The following ZFHX3 variants were observed in gnomAD, a reference collection of about 807,000 sequenced individuals.
ZFHX3 encodes zinc finger homeobox protein 3.
Under a neutral mutation model 279.1 loss-of-function variants are expected in ZFHX3, and 42 were observed. The ratio of observed to expected loss-of-function variants is 0.15; its 90% CI spans 0.12 to 0.19. ZFHX3 has a LOEUF of 0.19. Among genes scored for constraint, ZFHX3 ranks in the 10% least tolerant of loss-of-function variants. The probability of loss-of-function intolerance (pLI) is 1.00; values close to 1 mark genes in which losing one functional copy is unlikely to be tolerated. For missense variants in ZFHX3, 4,981 were observed against 4,754.0 expected (o/e 1.05, Z -1.40); for synonymous variants, 2,293 against 1,957.8 (o/e 1.17, Z -4.52).
intron 1 of ZFHX3, among the ~76,000 whole-genome samples, chr16:73,851,774 C>T (rs1961599701): frequency 6.6e-6 from 1 of 152,122 alleles, no homozygotes; most frequent in Non-Finnish European, 1.5e-5. Context: ...CATCGTAGGG[C>T]CTTTTTTAAA....
upstream of ZFHX3, among the ~76,000 whole-genome samples, chr16:73,051,587 C>T (rs1392552542): frequency 2.0e-5 from 3 of 152,126 alleles, no homozygotes. Flanking sequence ...GTAGGTGGAA[C>T]ATTATCTAAT....
intron 5 of ZFHX3, among the ~76,000 whole-genome samples, chr16:73,217,797 T>C (rs981847385): frequency 6.6e-6 from 1 of 152,066 alleles, no homozygotes; most frequent in Non-Finnish European, 1.5e-5. Flanking sequence ...CCTCCCTGTT[T>C]ACAGAGGAGC....
intron 2 of ZFHX3, among the ~76,000 whole-genome samples, chr16:73,459,324 C>G (rs2018430798): frequency 6.6e-6 from 1 of 152,052 alleles, no homozygotes; most frequent in South Asian, 2.1e-4. Flanking sequence ...CTGCCTGAGA[C>G]TAGGTAATTT....
chr16:72,813,587 CATCT>C (rs1369976632), intron 5 of ZFHX3, among the ~76,000 whole-genome samples: 1 of 152,130 alleles, frequency 6.6e-6, no homozygotes, highest in Non-Finnish European at 1.5e-5. Context: ...GTTTGTAGGA[CATCT>C]ATTATTTAAA....
chr16:73,370,462 T>A (rs902689235), intron 3 of ZFHX3, among the ~76,000 whole-genome samples: 1 of 152,212 alleles, frequency 6.6e-6, no homozygotes, highest in African/African-American at 2.4e-5. Context: ...AGCTGGCACA[T>A]ACATGTGCCA....
intron 5 of ZFHX3, among the ~76,000 whole-genome samples, chr16:73,157,605 A>C (rs558800584): frequency 2.0e-5 from 3 of 152,090 alleles, no homozygotes; most frequent in Non-Finnish European, 4.4e-5. Context: ...AATTTGGCTT[A>C]ATTGAAACTG....
intron 1 of ZFHX3, among the ~76,000 whole-genome samples, chr16:73,755,670 C>T (rs2053801966): frequency 6.6e-6 from 1 of 152,150 alleles, no homozygotes; most frequent in South Asian, 2.1e-4. Flanking sequence ...CGGCCCAAGC[C>T]TCTGACTTCA....
At chr16:73,645,912 T>A (rs1250072536) in intron 2 of ZFHX3, among the ~76,000 whole-genome samples, 2 of 152,154 alleles carry the variant, frequency 1.3e-5, no homozygotes, top group Non-Finnish European at 2.9e-5. Flanking sequence ...CATATCTTAG[T>A]CTTGTGTAGC....
chr16:73,021,355 T>C (rs1964291211), intron 1 of ZFHX3, among the ~76,000 whole-genome samples: 1 of 152,214 alleles, frequency 6.6e-6, no homozygotes, highest in South Asian at 2.1e-4. Flanking sequence ...CTCTATGTCC[T>C]GTCTTGTCCC....
At chr16:73,319,560 C>G (rs1301898178) in intron 3 of ZFHX3, among the ~76,000 whole-genome samples, 1 of 150,292 alleles carries the variant, frequency 6.7e-6, no homozygotes, top group East Asian at 2.0e-4. Flanking sequence ...AACTCAGGGG[C>G]GGGGGGTTGG....
chr16:73,851,917 G>T (rs989377658), intron 1 of ZFHX3, among the ~76,000 whole-genome samples: 4 of 152,094 alleles, frequency 2.6e-5, no homozygotes, highest in African/African-American at 4.8e-5. Context: ...GGGAGGTAGG[G>T]CATTAATGAC....
chr16:73,776,155 G>C (rs961873051), intron 1 of ZFHX3, among the ~76,000 whole-genome samples: 5 of 152,080 alleles, frequency 3.3e-5, no homozygotes, highest in Non-Finnish European at 7.4e-5. Flanking sequence ...ATTTTTTCAT[G>C]TTGCAAATCG....
At chr16:73,601,281 T>A (rs2052112190) in intron 2 of ZFHX3, among the ~76,000 whole-genome samples, 1 of 141,980 alleles carries the variant, frequency 7.0e-6, no homozygotes, top group African/African-American at 2.7e-5. Flanking sequence ...TGAAACCCCG[T>A]CTCTACTACT....
chr16:72,927,277 C>T (rs1959503997), intron 3 of ZFHX3, among the ~76,000 whole-genome samples: 2 of 152,146 alleles, frequency 1.3e-5, no homozygotes, highest in Admixed American at 6.5e-5. Context: ...AGTCTTCTCC[C>T]TGTGTCACAG....
chr16:73,195,411 C>T (rs922243898), intron 5 of ZFHX3, among the ~76,000 whole-genome samples: 2 of 118,428 alleles, frequency 1.7e-5, no homozygotes, highest in Non-Finnish European at 3.3e-5. Flanking sequence ...TGTGTCTTTA[C>T]TATTTTTTTT....
At chr16:73,257,565 C>T (rs1309862526) in intron 4 of ZFHX3, among the ~76,000 whole-genome samples, 3 of 152,310 alleles carry the variant, frequency 2.0e-5, no homozygotes, top group Middle Eastern at 6.8e-3. Flanking sequence ...AGAAGAGTGA[C>T]TAGGTCTTTA....
At chr16:73,715,691 C>T (rs1304529577) in intron 1 of ZFHX3, among the ~76,000 whole-genome samples, 2 of 151,278 alleles carry the variant, frequency 1.3e-5, no homozygotes, top group Admixed American at 1.3e-4. Flanking sequence ...TCTGCCTCAG[C>T]CCCCCAAGTA....
intron 3 of ZFHX3, among the ~76,000 whole-genome samples, chr16:73,438,340 G>A (rs192396427): frequency 2.0e-5 from 3 of 152,302 alleles, no homozygotes; most frequent in African/African-American, 7.2e-5. Flanking sequence ...GCAGAAGGGT[G>A]GATGCTGATA....
intron 4 of ZFHX3, among the ~76,000 whole-genome samples, chr16:73,287,492 A>G (rs972613751): frequency 3.4e-3 from 176 of 51,882 alleles, no homozygotes; most frequent in Middle Eastern, 0.021. Context: ...GTGTGGGTTG[A>G]TGAGTGGCTA....
Sources: allele counts gnomAD v4.1 joint callset (sites outside exome capture counted in the v4.1 genomes callset), GRCh38; gene constraint gnomAD v4.1.1; transcripts MANE v1.5; gene names NCBI Gene and HGNC (gene_info 2026-07-23, HGNC 2026-07-21).